SPTLC2: variants seen among roughly 807,000 people sequenced by gnomAD.
SPTLC2 encodes serine palmitoyltransferase 2.
SPTLC2 carries 21 observed loss-of-function variants against 62.0 expected under a neutral mutation model. The ratio of observed to expected loss-of-function variants is 0.34; its 90% CI spans 0.24 to 0.49. The LOEUF (loss-of-function observed/expected upper bound fraction) is 0.49, where lower values mean the gene tolerates loss of function less well. Among genes scored for constraint, SPTLC2 ranks in the 20% least tolerant of loss-of-function variants. The pLI is 0.99. For synonymous variants in SPTLC2, 261 were observed against 261.8 expected, an observed-to-expected ratio of 1.00 and a Z score of 0.03; for missense variants, 511 against 713.0, an observed-to-expected ratio of 0.72 and a Z score of 3.23.
intron 9 of SPTLC2, among the ~76,000 whole-genome samples, chr14:77,549,602 C>A (rs2079545791): frequency 6.6e-6 from 1 of 152,172 alleles, no homozygotes; most frequent in African/African-American, 2.4e-5. Context: ...GTCTTCCAGG[C>A]CAGCCCCAGA....
chr14:77,606,202 C>T (rs1335050238), intron 1 of SPTLC2, among the ~76,000 whole-genome samples: 2 of 152,186 alleles, frequency 1.3e-5, no homozygotes, highest in South Asian at 2.1e-4. Flanking sequence ...TGGTGGCGCA[C>T]GCCCATAATC....
intron 6 of SPTLC2, among the ~76,000 whole-genome samples, chr14:77,560,827 C>T (rs2079610812): frequency 6.6e-6 from 1 of 151,240 alleles, no homozygotes; most frequent in Non-Finnish European, 1.5e-5. Context: ...ACAGACACGA[C>T]TAAGGGAACA....
chr14:77,521,245 A>C (rs559074329), intron 10 of SPTLC2, among the ~76,000 whole-genome samples: 12 of 152,358 alleles, frequency 7.9e-5, no homozygotes, highest in Non-Finnish European at 7.3e-5. Flanking sequence ...GAGTACATGA[A>C]ACTCAAATGT....
intron 2 of SPTLC2, among the ~76,000 whole-genome samples, chr14:77,588,221 A>G (rs374652705): frequency 9.2e-5 from 14 of 152,190 alleles, no homozygotes; most frequent in African/African-American, 2.7e-4. Context: ...TATTGGTATG[A>G]GCCACCACAC....
chr14:77,540,446 G>A (rs9972134), intron 9 of SPTLC2, among the ~76,000 whole-genome samples: 146,218 of 152,232 alleles, frequency 0.96, 70,508 homozygotes, highest in East Asian at 1. Context: ...ATTTTGAAAT[G>A]CATTTTATTT....
chr14:77,551,316 G>C (rs551517533), intron 9 of SPTLC2, among the ~76,000 whole-genome samples: 1 of 142,056 alleles, frequency 7.0e-6, no homozygotes, highest in African/African-American at 2.5e-5. Flanking sequence ...GTGTGAACCC[G>C]GGAGGCAGAG....
Position 77,506,329 on chromosome 14 carries a change from C to T in SPTLC2, c.*5955G>A, listed in dbSNP as rs1335630453. On this transcript the variant is annotated 3_prime_UTR_variant, in exon 12 of 12. Transcript: ENST00000216484. ...TAGAAAGGGGTTATCATCACAGCAT[C>T]CCCTTGCAAATTCCAGTTTACAGGT... 1 of 152,202 alleles carries T rather than the reference C, an allele frequency of 6.6e-6. No homozygotes were observed. The highest frequency in any genetic ancestry group is 1.5e-5 in the Non-Finnish European group (1 of 68,034). The allele number at this position is 152,202 out of a possible 1,614,324, so 9.4% of individuals were successfully genotyped here. A position where few individuals can be genotyped will look rare whatever the true frequency, so the allele number is the denominator to read the frequency against.
rs754649102 is a variant in SPTLC2 at position 77,536,954 on chromosome 14, G to A, written c.1303+15142C>T. On this transcript the variant is annotated intron_variant, in intron 9 of 11. Transcript: ENST00000216484. ...ACTTCTTTTTTTGAGATGAAGTCTC[G>A]CTCTGTTGCCCAGACTGGAGTGCAA... 5.3e-4 allele frequency among the ~76,000 whole-genome samples: 78 copies of A among 146,246 alleles called. 3 individuals are homozygous for A. Among genetic ancestry groups the A allele is most frequent in the Non-Finnish European group, 1.2e-4 (8 of 67,150 alleles).
At chr14:77,527,272 ATTT>A (rs1394120779) in intron 9 of SPTLC2, among the ~76,000 whole-genome samples, 4 of 151,744 alleles carry the variant, frequency 2.6e-5, no homozygotes, top group African/African-American at 9.7e-5. Context: ...AATTTTTTGT[ATTT>A]TTAGTAGAGA....
intron 9 of SPTLC2, among the ~76,000 whole-genome samples, 196 bp from the exon 10 acceptor site, chr14:77,521,777 C>G (rs1379577810): frequency 2.0e-5 from 3 of 152,100 alleles, no homozygotes; most frequent in Admixed American, 6.6e-5. Context: ...TGTCATTCTA[C>G]CTGTTAACAG....
intron 4 of SPTLC2, among the ~76,000 whole-genome samples, chr14:77,574,228 T>C (rs923109068): frequency 6.6e-6 from 1 of 152,208 alleles, no homozygotes; most frequent in Non-Finnish European, 1.5e-5. Flanking sequence ...TATGCCCTTA[T>C]AGAGTGGAAT....
rs1479763671 is a variant in SPTLC2 at position 77,564,252 on chromosome 14, AGG to A, written c.757-1765_757-1764del. 4.6e-3 allele frequency among the ~76,000 whole-genome samples: 575 copies of A among 125,666 alleles called. 5 individuals are homozygous for A. Among genetic ancestry groups the A allele is most frequent in the Admixed American group, 6.7e-3 (81 of 12,000 alleles). 82.4% of individuals were successfully genotyped at this position (125,666 alleles called of 152,430 possible). ...GTCTGGGGGGAAAAAAAAAAAAAAA[AGG>A]AGGAGGAGGAGGAAGAGGAGGAAGA... On this transcript the variant is annotated intron_variant, in intron 5 of 11. Transcript: ENST00000216484.
At chr14:77,606,680 T>A (rs925707492) in intron 1 of SPTLC2, among the ~76,000 whole-genome samples, 3 of 152,046 alleles carry the variant, frequency 2.0e-5, no homozygotes, top group Non-Finnish European at 2.9e-5. Context: ...TTAATTTCTA[T>A]CTATATGTCA....
rs530076018 is a variant in SPTLC2 at position 77,511,771 on chromosome 14, G to A, written c.*513C>T. 36 of 175,442 alleles carry A rather than the reference G, an allele frequency of 2.1e-4. No homozygotes were observed. Among genetic ancestry groups the A allele is most frequent in the South Asian group, 1.9e-3 (14 of 7,482 alleles). 10.9% of individuals were successfully genotyped at this position (175,442 alleles called of 1,614,324 possible). A position where few individuals can be genotyped will look rare whatever the true frequency, so the allele number is the denominator to read the frequency against. The stretch of plus-strand genomic sequence containing the variant: ...TTAAGATTAAAGGGTGAAAACTTCC[G>A]TTGATTACTTGAATGGTTAAATAAG... On this transcript the variant is annotated 3_prime_UTR_variant, in exon 12 of 12. Coordinates refer to ENST00000216484, the MANE Select transcript of SPTLC2 (RefSeq NM_004863.4).
chr14:77,536,397 C>T (rs535362165), intron 9 of SPTLC2, among the ~76,000 whole-genome samples: 3 of 151,332 alleles, frequency 2.0e-5, no homozygotes, highest in Admixed American at 1.3e-4. Flanking sequence ...TTATTTTTGA[C>T]CAATGGATTC....
intron 9 of SPTLC2, among the ~76,000 whole-genome samples, chr14:77,526,113 A>ACC (rs1193497541): frequency 8.9e-5 from 1 of 11,198 alleles, no homozygotes; most frequent in South Asian, 0.029. Flanking sequence ...CCTGGCATTT[A>ACC]CACGTTAGAA....
intron 1 of SPTLC2, among the ~76,000 whole-genome samples, chr14:77,598,920 GAAA>G (rs11301610): frequency 1.5e-5 from 2 of 129,752 alleles, no homozygotes; most frequent in African/African-American, 3.0e-5. Flanking sequence ...AGGTGATACA[GAAA>G]AAAAAAAAAA....
intron 4 of SPTLC2, among the ~76,000 whole-genome samples, chr14:77,574,646 G>A (rs2079703683): frequency 6.6e-6 from 1 of 152,138 alleles, no homozygotes; most frequent in African/African-American, 2.4e-5. Flanking sequence ...CTCACACAAA[G>A]GATTATTATT....
At chr14:77,558,437 T>C (rs1409883868) in intron 6 of SPTLC2, among the ~76,000 whole-genome samples, 1 of 152,128 alleles carries the variant, frequency 6.6e-6, no homozygotes, top group Non-Finnish European at 1.5e-5. Context: ...AGAAAACAAT[T>C]TTGACAGAAA....
Sources: gnomAD v4.1 joint callset for allele counts (sites outside exome capture counted in the v4.1 genomes callset) on GRCh38, gnomAD v4.1.1 for gene constraint, MANE v1.5 for transcripts, NCBI Gene and HGNC (gene_info 2026-07-23, HGNC 2026-07-21) for gene names.